CHUK: variants seen among roughly 807,000 people sequenced by gnomAD.
The protein encoded by CHUK is inhibitor of nuclear factor kappa-B kinase subunit alpha.
In CHUK, 35 loss-of-function variants were observed where a neutral mutation model predicts 104.8. That is an observed-to-expected ratio of 0.33 (90% CI 0.26 to 0.44). CHUK has a LOEUF of 0.44. Among genes scored for constraint, CHUK ranks in the 20% least tolerant of loss-of-function variants. The pLI, the probability that CHUK is intolerant of heterozygous loss-of-function variation, is 1.00. For synonymous variants in CHUK, 276 were observed against 291.9 expected (o/e 0.95, Z 0.56); for missense variants, 663 against 902.7 (o/e 0.73, Z 3.40).
At chr10:100,192,284 G>C (rs900122105) in intron 19 of CHUK, among the ~76,000 whole-genome samples, 1 of 152,128 alleles carries the variant, frequency 6.6e-6, no homozygotes, top group Non-Finnish European at 1.5e-5. Flanking sequence ...AGGCAAAAAA[G>C]TAAGTAAAGT....
chr10:100,194,186 A>G lies in CHUK; in HGVS notation c.1827-55T>C, dbSNP rs1845271815. 3.8e-6 allele frequency: 6 copies of G among 1,591,958 alleles called. No individual in the cohort carries two copies. In the Admixed American group the frequency reaches 6.7e-5, roughly 18 times the overall value. Reference sequence around the variant, plus strand: ...TTCACATGCCCCAAGACTGTACACCATATTCCCAAAACCCAGCTGAGGAAA... The same window carrying G: ...TTCACATGCCCCAAGACTGTACACCGTATTCCCAAAACCCAGCTGAGGAAA... On this transcript the variant is annotated intron_variant, in intron 17 of 20. Coordinates refer to ENST00000370397, the MANE Select transcript of CHUK (RefSeq NM_001278.5).
At chr10:100,186,358 T>C (rs1844993895), downstream of CHUK, 1 of 267,278 alleles carries the variant, frequency 3.7e-6, no homozygotes, top group South Asian at 1.7e-4. Flanking sequence ...TTGCAGTGTA[T>C]GCGGAGCCCC....
intron 9 of CHUK, among the ~76,000 whole-genome samples, chr10:100,217,373 C>T (rs1845882532): frequency 6.6e-6 from 1 of 151,916 alleles, no homozygotes; most frequent in Non-Finnish European, 1.5e-5. Flanking sequence ...AAGTGCAGAG[C>T]CATGAAAGGC....
At chr10:100,197,322 G>T (rs1845356001) in intron 16 of CHUK, among the ~76,000 whole-genome samples, 1 of 152,112 alleles carries the variant, frequency 6.6e-6, no homozygotes, top group African/African-American at 2.4e-5. Context: ...TCATGTTTAA[G>T]TCTTCCTTCT....
chr10:100,212,109 C>G (rs1383002409), intron 9 of CHUK, among the ~76,000 whole-genome samples: 1 of 152,134 alleles, frequency 6.6e-6, no homozygotes, highest in African/African-American at 2.4e-5. Context: ...TCTCGAACTC[C>G]TGGCCTCATG....
At chr10:100,228,787 C>T (rs900665996) in intron 1 of CHUK, among the ~76,000 whole-genome samples, 6 of 152,098 alleles carry the variant, frequency 3.9e-5, no homozygotes, top group Non-Finnish European at 8.8e-5. Context: ...TAGAGCGCCC[C>T]CCATCTCCAT....
chr10:100,215,213 T>TA (rs1564838522), intron 9 of CHUK, among the ~76,000 whole-genome samples: 11 of 47,258 alleles, frequency 2.3e-4, no homozygotes, highest in African/African-American at 1.2e-3. Flanking sequence ...AGGCTCCATA[T>TA]CAAAAAAAAA....
chr10:100,197,229 A>G (rs17886185), intron 16 of CHUK, among the ~76,000 whole-genome samples: 1,777 of 152,342 alleles, frequency 0.012, 47 homozygotes, highest in African/African-American at 0.04. Context: ...GAAAATACAT[A>G]GTAAAAATAC....
At chr10:100,223,611 A>T (rs931692419) in intron 2 of CHUK, among the ~76,000 whole-genome samples, 11 of 96,742 alleles carry the variant, frequency 1.1e-4, no homozygotes, top group African/African-American at 3.2e-4. Flanking sequence ...CATCTCTTTT[A>T]AAAAAAAAAA....
At chr10:100,208,791 A>G (rs1005660183) in intron 10 of CHUK, among the ~76,000 whole-genome samples, 1 of 151,898 alleles carries the variant, frequency 6.6e-6, no homozygotes, top group Non-Finnish European at 1.5e-5. Flanking sequence ...CTAAAAAAAA[A>G]AAAAACTGGA....
Position 100,222,909 on chromosome 10 carries a change from G to C in CHUK, c.272C>G (p.Pro91Arg), listed in dbSNP as rs769961095. ...EELNILIHDV[P>R]LLAMEYCSGG... ...AGAACAGTATTCCATTGCTAGAAGAGGCACATCATGAATCAAAATATTCAA... is the reference window on the plus strand; with the variant it reads ...AGAACAGTATTCCATTGCTAGAAGACGCACATCATGAATCAAAATATTCAA... Residue 91 changes from proline to arginine, a missense_variant, in exon 3 of 21, where the codon CCT becomes CGT. Pro to Arg is a moderately radical substitution (Grantham distance 103, BLOSUM62 -2). Coordinates refer to ENST00000370397, the MANE Select transcript of CHUK (RefSeq NM_001278.5). 1 of 1,607,058 alleles carries C rather than the reference G, an allele frequency of 6.2e-7. No homozygotes were observed. The highest frequency in any genetic ancestry group is 1.1e-5 in the South Asian group (1 of 90,934).
At position 100,229,515 on chromosome 10, in the gene CHUK, C is replaced by T. The variant is rs1273388989; in HGVS notation, c.18G>A (p.Gly6=). MERPP[G]LRPGAGGPWE... Reference sequence around the variant, plus strand: ...AGGGCCCGCCCGCGCCCGGCCGCAGCCCCGGGGGCCGCTCCATGGGGCGGG... The same window carrying T: ...AGGGCCCGCCCGCGCCCGGCCGCAGTCCCGGGGGCCGCTCCATGGGGCGGG... Residue 6 remains glycine (G), a synonymous_variant, in exon 1 of 21, where the codon GGG becomes GGA. Transcript: ENST00000370397. The T allele has an allele frequency of 6.4e-7, 1 of 1,552,720 alleles. No homozygotes were observed. Among genetic ancestry groups the T allele is most frequent in the Non-Finnish European group, 8.7e-7 (1 of 1,153,906 alleles).
chr10:100,190,987 A>C lies in CHUK; in HGVS notation c.2109-19T>G. On this transcript the variant is annotated intron_variant, in intron 19 of 20. Coordinates refer to ENST00000370397, the MANE Select transcript of CHUK (RefSeq NM_001278.5). ...AGTCTCCCTGTGAGATGAAAGAACA[A>C]AGCCTTTTCAAACTCAGGAAAAGGG... 1 of 1,438,306 alleles carries C rather than the reference A, an allele frequency of 7.0e-7. No individual in the cohort carries two copies. The highest frequency in any genetic ancestry group is 9.8e-7 in the Non-Finnish European group (1 of 1,019,630). 89.1% of individuals were successfully genotyped at this position (1,438,306 alleles called of 1,614,324 possible).
At chr10:100,201,519 A>G (rs1845461848) in intron 14 of CHUK, among the ~76,000 whole-genome samples, 1 of 152,190 alleles carries the variant, frequency 6.6e-6, no homozygotes, top group African/African-American at 2.4e-5. Flanking sequence ...ACTGACTCCC[A>G]TTTAATCTTC....
chr10:100,225,873 T>C (rs551727201), intron 2 of CHUK, 50 bp downstream of exon 2: 2 of 1,028,628 alleles, frequency 1.9e-6, no homozygotes, highest in South Asian at 1.3e-5. Flanking sequence ...CATGATGACA[T>C]CTGGTTGGGC....
At chr10:100,210,454 C>T (rs1348491879) in intron 9 of CHUK, among the ~76,000 whole-genome samples, 2 of 152,190 alleles carry the variant, frequency 1.3e-5, no homozygotes, top group East Asian at 3.8e-4. Context: ...CATGAAGTGC[C>T]TAACAGAAGA....
At chr10:100,199,940 G>A in intron 16 of CHUK, 31 bp downstream of exon 16, 1 of 1,516,642 alleles carries the variant, frequency 6.6e-7, no homozygotes, top group Non-Finnish European at 9.2e-7. Context: ...TACCTAAAAT[G>A]CCTTCAAGCA....
chr10:100,197,724 A>G (rs1164558409), intron 16 of CHUK, among the ~76,000 whole-genome samples: 1 of 152,174 alleles, frequency 6.6e-6, no homozygotes, highest in East Asian at 1.9e-4. Flanking sequence ...TCTACACAGT[A>G]TACTCATATC....
At position 100,188,338 on chromosome 10, in the gene CHUK, A is replaced by AT. The variant is rs1215421542; in HGVS notation, c.*1259dup. ...TATTCAACTGTTTTATTATAATCTG[A>AT]TTTTTATAATGAATAGAGATCAAGA... On this transcript the variant is annotated 3_prime_UTR_variant, in exon 21 of 21. Transcript: ENST00000370397. The AT allele has an allele frequency of 6.6e-6, 1 of 152,608 alleles. No individual in the cohort carries two copies. Among genetic ancestry groups the AT allele is most frequent in the African/African-American group, 2.4e-5 (1 of 41,448 alleles). 9.5% of individuals were successfully genotyped at this position (152,608 alleles called of 1,614,324 possible). A position where few individuals can be genotyped will look rare whatever the true frequency, so the allele number is the denominator to read the frequency against.
Sources: gnomAD v4.1 joint callset for allele counts (sites outside exome capture counted in the v4.1 genomes callset) on GRCh38, gnomAD v4.1.1 for gene constraint, MANE v1.5 for transcripts, NCBI Gene and HGNC (gene_info 2026-07-23, HGNC 2026-07-21) for gene names.